The following RPS6KA2 variants were observed in gnomAD, a reference collection of about 807,000 sequenced individuals.
RPS6KA2 encodes the protein ribosomal protein S6 kinase alpha-2.
Under a neutral mutation model 91.8 loss-of-function variants are expected in RPS6KA2, and 42 were observed. The observed-to-expected ratio is 0.46, with a 90% confidence interval of 0.36 to 0.59. The LOEUF (loss-of-function observed/expected upper bound fraction) is 0.59, where lower values mean the gene tolerates loss of function less well. Ranked by LOEUF, RPS6KA2 falls within the 20% of genes least tolerant of loss-of-function variation. RPS6KA2 has a pLI of 0.00. For synonymous variants in RPS6KA2, 414 were observed against 393.6 expected (o/e 1.05, Z -0.61); for missense variants, 798 against 978.5 (o/e 0.82, Z 2.46).
At chr6:166,736,778 A>G (rs1790681919) in intron 2 of RPS6KA2, among the ~76,000 whole-genome samples, 1 of 152,218 alleles carries the variant, frequency 6.6e-6, no homozygotes, top group Non-Finnish European at 1.5e-5. Context: ...CTCAGCTGGA[A>G]GCAGGAAGAC....
At chr6:166,705,245 A>T (rs2128577870) in intron 2 of RPS6KA2, among the ~76,000 whole-genome samples, 1 of 152,330 alleles carries the variant, frequency 6.6e-6, no homozygotes, top group South Asian at 2.1e-4. Context: ...GCCAGCTGGG[A>T]CGTTTCCCAT....
At chr6:166,810,005 G>C (rs1236297153) in intron 2 of RPS6KA2, among the ~76,000 whole-genome samples, 1 of 152,228 alleles carries the variant, frequency 6.6e-6, no homozygotes, top group African/African-American at 2.4e-5. Context: ...GTGACTCACA[G>C]TTACGCATAA....
chr6:166,831,939 T>G (rs1562462229), intron 2 of RPS6KA2, among the ~76,000 whole-genome samples: 1 of 151,596 alleles, frequency 6.6e-6, no homozygotes, highest in African/African-American at 2.4e-5. Context: ...AGATAATAGA[T>G]GGATGGATAG....
chr6:166,504,375 T>C (rs1398672682), intron 6 of RPS6KA2, 131 bp downstream of exon 6: 2 of 572,400 alleles, frequency 3.5e-6, no homozygotes, highest in Non-Finnish European at 6.1e-6. Context: ...GGCACAAGAG[T>C]CTCCCCAGCC....
upstream of RPS6KA2, among the ~76,000 whole-genome samples, chr6:166,630,988 C>T (rs1464398461): frequency 6.6e-6 from 1 of 152,082 alleles, no homozygotes; most frequent in East Asian, 1.9e-4. Context: ...GCTTCTTGGG[C>T]CCTCGGCAAA....
intron 2 of RPS6KA2, among the ~76,000 whole-genome samples, chr6:166,789,554 C>A (rs1341177061): frequency 6.6e-6 from 1 of 152,240 alleles, no homozygotes; most frequent in Non-Finnish European, 1.5e-5. Context: ...TGAGAACAGG[C>A]AGACTGCCTC....
intron 10 of RPS6KA2, among the ~76,000 whole-genome samples, chr6:166,471,051 G>A (rs368331077): frequency 5.3e-5 from 8 of 152,248 alleles, no homozygotes; most frequent in African/African-American, 1.4e-4. Context: ...CCTGGGGCCC[G>A]GCTCCCCTGT....
chr6:166,460,069 A>G (rs1259387341), intron 11 of RPS6KA2, among the ~76,000 whole-genome samples: 1 of 152,230 alleles, frequency 6.6e-6, no homozygotes, highest in Non-Finnish European at 1.5e-5. Context: ...CTCTCTTGCC[A>G]GTGTCTCAGG....
intron 1 of RPS6KA2, among the ~76,000 whole-genome samples, chr6:166,616,948 A>G (rs79366836): frequency 3.1e-3 from 477 of 152,338 alleles, no homozygotes; most frequent in African/African-American, 0.011. Flanking sequence ...AAGAGGAACA[A>G]ATGAATGTGG....
chr6:166,549,065 CAT>C (rs1406476264), intron 1 of RPS6KA2, among the ~76,000 whole-genome samples: 5 of 152,160 alleles, frequency 3.3e-5, no homozygotes, highest in Non-Finnish European at 7.3e-5. Flanking sequence ...CAAATAAGCA[CAT>C]GAGAATATAC....
At chr6:166,787,131 A>C (rs939299161) in intron 2 of RPS6KA2, among the ~76,000 whole-genome samples, 2 of 152,260 alleles carry the variant, frequency 1.3e-5, no homozygotes, top group African/African-American at 4.8e-5. Context: ...ATATAAAAAT[A>C]TTCAAATTAT....
intron 2 of RPS6KA2, among the ~76,000 whole-genome samples, chr6:166,714,719 C>A (rs191149371): frequency 1.7e-4 from 26 of 152,372 alleles, no homozygotes; most frequent in Non-Finnish European, 2.9e-4. Flanking sequence ...CCCTCCCCGC[C>A]TCAGCAGGAG....
chr6:166,780,515 A>C (rs1378622472), intron 2 of RPS6KA2, among the ~76,000 whole-genome samples: 1 of 152,122 alleles, frequency 6.6e-6, no homozygotes, highest in East Asian at 1.9e-4. Flanking sequence ...TCTATTGTTT[A>C]AGTCGCCCAG....
intron 2 of RPS6KA2, among the ~76,000 whole-genome samples, chr6:166,811,958 G>A (rs189563565): frequency 1.3e-5 from 2 of 152,306 alleles, no homozygotes; most frequent in African/African-American, 2.4e-5. Flanking sequence ...TGTTAATTAC[G>A]AAGCTGAACA....
chr6:166,478,702 G>A (rs145444326), intron 10 of RPS6KA2, among the ~76,000 whole-genome samples: 85 of 152,306 alleles, frequency 5.6e-4, no homozygotes, highest in African/African-American at 1.9e-3. Flanking sequence ...AAAGAAAAGT[G>A]TCAGATGAGC....
intron 2 of RPS6KA2, among the ~76,000 whole-genome samples, chr6:166,776,185 C>T (rs1334484425): frequency 6.6e-6 from 1 of 152,102 alleles, no homozygotes; most frequent in African/African-American, 2.4e-5. Flanking sequence ...AGACGCCAGG[C>T]AGAAATGACA....
At chr6:166,488,952 T>C in intron 9 of RPS6KA2, 31 bp from the exon 10 acceptor site, 3 of 1,562,268 alleles carry the variant, frequency 1.9e-6, no homozygotes, top group Non-Finnish European at 2.6e-6. Context: ...TTAGGATCTA[T>C]TTTAGGAGAA....
intron 1 of RPS6KA2, among the ~76,000 whole-genome samples, chr6:166,562,545 T>TA (rs1784374512): frequency 6.6e-6 from 1 of 152,116 alleles, no homozygotes; most frequent in African/African-American, 2.4e-5. Flanking sequence ...ACTAAATAGG[T>TA]AGACTGCCAA....
chr6:166,545,332 T>C (rs1294883771), intron 1 of RPS6KA2, among the ~76,000 whole-genome samples: 2 of 152,244 alleles, frequency 1.3e-5, no homozygotes, highest in Non-Finnish European at 2.9e-5. Context: ...GAAAGTGATT[T>C]AGCTTCCAAG....
Sources: gnomAD v4.1 joint callset for allele counts (sites outside exome capture counted in the v4.1 genomes callset) on GRCh38, gnomAD v4.1.1 for gene constraint, MANE v1.5 for transcripts, NCBI Gene and HGNC (gene_info 2026-07-23, HGNC 2026-07-21) for gene names.